Variants in JMJD1C observed in about 807,000 individuals in gnomAD.
JMJD1C encodes the protein jumonji domain-containing protein 1C.
A neutral mutation model predicts 245.3 loss-of-function variants in JMJD1C; 31 were observed. The ratio of observed to expected loss-of-function variants is 0.13; its 90% CI spans 0.09 to 0.17. The LOEUF is 0.17. Ranked by LOEUF, JMJD1C falls within the 10% of genes least tolerant of loss-of-function variation. JMJD1C has a pLI of 1.00. For missense variants in JMJD1C, 2,691 were observed against 3,000.2 expected (o/e 0.90, Z 2.41); for synonymous variants, 1,057 against 1,017.4 (o/e 1.04, Z -0.74).
At chr10:63,243,265 G>A (rs986582539) in intron 3 of JMJD1C, among the ~76,000 whole-genome samples, 3 of 151,684 alleles carry the variant, frequency 2.0e-5, no homozygotes, top group South Asian at 4.2e-4. Flanking sequence ...GGTGGCTCAC[G>A]CCTGTAATCC....
At chr10:63,468,492 T>C (rs1431890908), upstream of JMJD1C, among the ~76,000 whole-genome samples, 2 of 152,232 alleles carry the variant, frequency 1.3e-5, no homozygotes, top group African/African-American at 4.8e-5. Flanking sequence ...AACTTCAGAA[T>C]ATTTGTTTCT....
chr10:63,426,138 GC>G (rs1240403607), intron 1 of JMJD1C, among the ~76,000 whole-genome samples: 1 of 152,170 alleles, frequency 6.6e-6, no homozygotes, highest in Non-Finnish European at 1.5e-5. Context: ...ACTTTGGGAG[GC>G]CAAGGCAGAA....
chr10:63,357,611 G>T lies in JMJD1C; in HGVS notation c.333+22707C>A, dbSNP rs577440838. Among the ~76,000 whole-genome samples, 4 of 152,126 alleles carry T rather than the reference G, an allele frequency of 2.6e-5. No individual in the cohort carries two copies. In the South Asian group the frequency reaches 8.3e-4, roughly 32 times the overall value. On this transcript the variant is annotated intron_variant, in intron 2 of 25. Transcript: ENST00000399262. ...ATGAGCCACCAAGCCCGGCATAAAT[G>T]TGCTTTAAAAGAGTATCAAAAGATA...
chr10:63,459,709 A>G lies in JMJD1C; in HGVS notation c.168+5786T>C, dbSNP rs1285433674. On this transcript the variant is annotated intron_variant, in intron 1 of 25. Coordinates refer to ENST00000399262, the MANE Select transcript of JMJD1C (RefSeq NM_032776.3). ...AAATAACAAATTTAAAAGTTTCAAG[A>G]AAATGCTGCTTTCATTATTCAAAAA... is the stretch of plus-strand genomic sequence containing the variant. Among the ~76,000 whole-genome samples, 4 of 152,358 alleles carry G rather than the reference A, an allele frequency of 2.6e-5. No homozygotes were observed. In the East Asian group the frequency reaches 7.7e-4, roughly 29 times the overall value.
chr10:63,326,282 G>A (rs1047050308), intron 2 of JMJD1C, among the ~76,000 whole-genome samples: 1 of 151,792 alleles, frequency 6.6e-6, no homozygotes, highest in Non-Finnish European at 1.5e-5. Context: ...ATCATTTGAG[G>A]TCAAGAGTTC....
intron 2 of JMJD1C, among the ~76,000 whole-genome samples, chr10:63,336,126 A>C (rs1942705866): frequency 6.6e-6 from 1 of 152,052 alleles, no homozygotes; most frequent in South Asian, 2.1e-4. Context: ...GTCTCAAAAA[A>C]AATAAGAAAA....
chr10:63,308,713 CA>C (rs1036517361), intron 2 of JMJD1C, among the ~76,000 whole-genome samples: 9 of 49,578 alleles, frequency 1.8e-4, no homozygotes, highest in Admixed American at 1.6e-3. Flanking sequence ...ACTAGAAAGC[CA>C]AAAAATAAAA....
chr10:63,173,347 T>C (rs1355323923), intron 24 of JMJD1C, among the ~76,000 whole-genome samples: 2 of 152,156 alleles, frequency 1.3e-5, no homozygotes, highest in Non-Finnish European at 1.5e-5. Context: ...ATCTGAGTGA[T>C]CTTGGGCTAG....
At chr10:63,186,490 G>A (rs1195926437) in intron 18 of JMJD1C, 107 bp from the exon 19 acceptor site, 14 of 864,610 alleles carry the variant, frequency 1.6e-5, no homozygotes, top group Non-Finnish European at 2.4e-5. Flanking sequence ...CCAGGCTGGA[G>A]AGCAGTGGCC....
chr10:63,174,483 G>A (rs1309928158), intron 24 of JMJD1C, among the ~76,000 whole-genome samples: 1 of 151,920 alleles, frequency 6.6e-6, no homozygotes, highest in Non-Finnish European at 1.5e-5. Context: ...AGGAACTATA[G>A]GGACAAAAAA....
chr10:63,362,642 G>C (rs763696694), intron 2 of JMJD1C, among the ~76,000 whole-genome samples: 8 of 152,040 alleles, frequency 5.3e-5, no homozygotes, highest in Middle Eastern at 3.4e-3. Flanking sequence ...ACCACACCTG[G>C]CTAATTTTTG....
At chr10:63,407,967 G>C (rs1393180056) in intron 1 of JMJD1C, among the ~76,000 whole-genome samples, 2 of 152,046 alleles carry the variant, frequency 1.3e-5, no homozygotes, top group Non-Finnish European at 1.5e-5. Flanking sequence ...GAATCAGTGT[G>C]GTTCAATATC....
rs1310706565 is a variant in JMJD1C, at chr10:63,186,207, C to T, written c.6739+8G>A. 1.9e-6 allele frequency: 3 copies of T among 1,595,100 alleles called. No individual in the cohort carries two copies. In the South Asian group the frequency reaches 3.4e-5, roughly 18 times the overall value. On this transcript the variant is annotated splice_region_variant and intron_variant, in intron 19 of 25. Coordinates refer to ENST00000399262, the MANE Select transcript of JMJD1C (RefSeq NM_032776.3). ...ATGGAGAAAATAGTAAAATAAAAAC[C>T]AACATACTTGAAACTTCTTCAAAAC... is the stretch of plus-strand genomic sequence containing the variant.
At chr10:63,408,231 C>T (rs1439431339) in intron 1 of JMJD1C, among the ~76,000 whole-genome samples, 2 of 151,750 alleles carry the variant, frequency 1.3e-5, no homozygotes, top group Non-Finnish European at 2.9e-5. Context: ...GTGAAACCCC[C>T]TCTCTACTAA....
At chr10:63,508,055 A>T (rs1433189406) in intron 1 of JMJD1C, among the ~76,000 whole-genome samples, 1 of 150,976 alleles carries the variant, frequency 6.6e-6, no homozygotes, top group Non-Finnish European at 1.5e-5. Flanking sequence ...TGTCTTTTGC[A>T]GAGAAAAAAA....
chr10:63,257,782 T>C (rs140495444), intron 3 of JMJD1C, among the ~76,000 whole-genome samples: 1 of 152,194 alleles, frequency 6.6e-6, no homozygotes, highest in Non-Finnish European at 1.5e-5. Context: ...CTTAAAATAA[T>C]AGTTTAAGAA....
At chr10:63,222,506 G>T in intron 3 of JMJD1C, 2 of 1,205,234 alleles carry the variant, frequency 1.7e-6, no homozygotes, top group South Asian at 2.4e-5. Context: ...ACTTGATTTT[G>T]ACTGACTGCA....
intron 1 of JMJD1C, among the ~76,000 whole-genome samples, chr10:63,479,078 T>C (rs1236150853): frequency 6.6e-6 from 1 of 152,220 alleles, no homozygotes; most frequent in Non-Finnish European, 1.5e-5. Flanking sequence ...CACTGAATTA[T>C]ATCACTGACC....
intron 3 of JMJD1C, among the ~76,000 whole-genome samples, chr10:63,245,476 C>CTATTTT (rs1429317187): frequency 2.0e-5 from 1 of 49,024 alleles, no homozygotes; most frequent in African/African-American, 7.3e-5. Context: ...TGCAGGGGAA[C>CTATTTT]TCTTTTTTTT....
Sources: gnomAD v4.1 joint callset for allele counts (sites outside exome capture counted in the v4.1 genomes callset) on GRCh38, gnomAD v4.1.1 for gene constraint, MANE v1.5 for transcripts, NCBI Gene and HGNC (gene_info 2026-07-23, HGNC 2026-07-21) for gene names.